Variants in LY86 observed in about 807,000 individuals in gnomAD.
The protein encoded by LY86 is MD-1, RP105-associated.
A neutral mutation model predicts 17.3 loss-of-function variants in LY86; 20 were observed. The observed-to-expected ratio is 1.15, with a 90% CI of 0.81 to 1.68. LY86 has a LOEUF of 1.68. LY86 is among the 40% of genes most tolerant of loss of function. LY86 has a pLI of 0.00. For missense variants in LY86, 200 were observed against 191.9 expected, an observed-to-expected ratio of 1.04 and a Z score of -0.25; for synonymous variants, 74 against 70.6, an observed-to-expected ratio of 1.05 and a Z score of -0.24.
At chr6:6,618,986 A>G (rs1254259968) in intron 1 of LY86, among the ~76,000 whole-genome samples, 1 of 152,222 alleles carries the variant, frequency 6.6e-6, no homozygotes, top group African/African-American at 2.4e-5. Context: ...AGGACAGAAA[A>G]GAAGAAAGTT....
intron 1 of LY86, among the ~76,000 whole-genome samples, chr6:6,610,860 G>A (rs1038495318): frequency 6.6e-6 from 1 of 152,194 alleles, no homozygotes; most frequent in African/African-American, 2.4e-5. Flanking sequence ...CCTGCAAGAT[G>A]AAGGCCTGTG....
intron 1 of LY86, among the ~76,000 whole-genome samples, chr6:6,600,654 C>T (rs1760878417): frequency 1.3e-5 from 2 of 148,586 alleles, no homozygotes; most frequent in South Asian, 2.1e-4. Flanking sequence ...CACTTGGGCC[C>T]CTAACACCCC....
At chr6:6,627,692 G>A (rs917699839) in intron 3 of LY86, among the ~76,000 whole-genome samples, 2 of 152,098 alleles carry the variant, frequency 1.3e-5, no homozygotes, top group African/African-American at 2.4e-5. Context: ...TGCCTAACAC[G>A]ATTGAGCATT....
intron 1 of LY86, among the ~76,000 whole-genome samples, chr6:6,595,849 A>G (rs1370700437): frequency 1.3e-5 from 2 of 152,136 alleles, no homozygotes; most frequent in African/African-American, 2.4e-5. Flanking sequence ...CGAGGTAGTC[A>G]GTGAGCGGGG....
intron 1 of LY86, among the ~76,000 whole-genome samples, chr6:6,612,230 G>A (rs990766926): frequency 6.6e-6 from 1 of 152,232 alleles, no homozygotes. Flanking sequence ...TTCTTCAAGA[G>A]GGCGTGTCCA....
At position 6,642,335 on chromosome 6, in the gene LY86, C is replaced by G. The variant is rs184076034; in HGVS notation, c.353-7290C>G. Among the ~76,000 whole-genome samples the G allele has an allele frequency of 3.3e-5, 5 of 152,326 alleles. No homozygotes were observed. In the East Asian group the frequency reaches 7.7e-4, roughly 24 times the overall value. On this transcript the variant is annotated intron_variant, in intron 3 of 4. Coordinates refer to ENST00000230568, the MANE Select transcript of LY86 (RefSeq NM_004271.4). ...GCCAAGCCTGCAGCACTGAGAGTCC[C>G]GGGAGGACCCCTCCAGGGGAGACAC...
intron 3 of LY86, 106 bp downstream of exon 3, chr6:6,626,527 C>T (rs774171484): frequency 7.1e-6 from 9 of 1,271,484 alleles, no homozygotes; most frequent in African/African-American, 3.0e-5. Flanking sequence ...CTCTGCCCCT[C>T]GCCTTTGGAC....
At chr6:6,610,544 G>A (rs1390807100) in intron 1 of LY86, among the ~76,000 whole-genome samples, 1 of 99,032 alleles carries the variant, frequency 1.0e-5, no homozygotes, top group East Asian at 2.9e-4. Flanking sequence ...CGGAAGCTTA[G>A]GGGGGGGCAA....
intron 1 of LY86, among the ~76,000 whole-genome samples, chr6:6,606,509 G>A (rs1183733110): frequency 2.6e-5 from 4 of 152,202 alleles, no homozygotes; most frequent in Non-Finnish European, 4.4e-5. Flanking sequence ...GGACCGGGGC[G>A]CCGTGTAGCA....
At chr6:6,599,097 C>T (rs1760817475) in intron 1 of LY86, among the ~76,000 whole-genome samples, 1 of 152,200 alleles carries the variant, frequency 6.6e-6, no homozygotes, top group African/African-American at 2.4e-5. Context: ...GAAAAAACTG[C>T]ATAGTTGTCT....
intron 3 of LY86, among the ~76,000 whole-genome samples, chr6:6,648,320 G>A (rs1289383296): frequency 6.6e-6 from 1 of 152,146 alleles, no homozygotes. Context: ...CACTGCCTCT[G>A]GAATGAAATC....
chr6:6,593,399 C>T (rs1262705977), intron 1 of LY86, among the ~76,000 whole-genome samples: 1 of 141,202 alleles, frequency 7.1e-6, no homozygotes, highest in African/African-American at 2.6e-5. Context: ...ATCACATCTG[C>T]AAAGTCTCTT....
chr6:6,628,380 A>G (rs963489058), intron 3 of LY86, among the ~76,000 whole-genome samples: 15 of 147,146 alleles, frequency 1.0e-4, no homozygotes, highest in African/African-American at 3.5e-4. Flanking sequence ...ACCCCCCTAT[A>G]CATACCTGCG....
chr6:6,636,535 G>T (rs2113151728), intron 3 of LY86, among the ~76,000 whole-genome samples: 1 of 152,312 alleles, frequency 6.6e-6, no homozygotes, highest in East Asian at 1.9e-4. Context: ...CCATGAAGAG[G>T]CAGTGGAGTC....
chr6:6,589,012 G>A (rs1328619024), intron 1 of LY86, 142 bp downstream of exon 1: 4 of 1,141,026 alleles, frequency 3.5e-6, no homozygotes, highest in Non-Finnish European at 4.8e-6. Context: ...AGCAGGTCTG[G>A]GAGGGCCACT....
At chr6:6,590,926 G>A (rs1002241030) in intron 1 of LY86, among the ~76,000 whole-genome samples, 8 of 152,016 alleles carry the variant, frequency 5.3e-5, no homozygotes, top group Admixed American at 3.3e-4. Flanking sequence ...ACATTGAAGT[G>A]CACACACACA....
intron 1 of LY86, among the ~76,000 whole-genome samples, chr6:6,605,530 C>A (rs557590490): frequency 2.4e-4 from 36 of 152,374 alleles, no homozygotes; most frequent in African/African-American, 7.9e-4. Flanking sequence ...CCCCACAACG[C>A]TACCCCATAA....
intron 4 of LY86, 74 bp from the exon 5 acceptor site, chr6:6,654,470 C>A: frequency 8.6e-7 from 1 of 1,169,240 alleles, no homozygotes; most frequent in Admixed American, 1.8e-5. Context: ...ATAAAAGTTT[C>A]TCTGTAAATA....
chr6:6,646,144 C>T (rs1488697808), intron 3 of LY86, among the ~76,000 whole-genome samples: 1 of 152,142 alleles, frequency 6.6e-6, no homozygotes, highest in Non-Finnish European at 1.5e-5. Context: ...ACCAGCATGA[C>T]AAATGAACCC....
Sources: allele counts gnomAD v4.1 joint callset (sites outside exome capture counted in the v4.1 genomes callset), GRCh38; gene constraint gnomAD v4.1.1; transcripts MANE v1.5; gene names NCBI Gene and HGNC (gene_info 2026-07-23, HGNC 2026-07-21).